The following ST8SIA5 variants were observed in gnomAD, a reference collection of about 807,000 sequenced individuals.
ST8SIA5 encodes the protein alpha-2,8-sialyltransferase 8E.
Under a neutral mutation model 40.2 loss-of-function variants are expected in ST8SIA5, and 24 were observed. The ratio of observed to expected loss-of-function variants is 0.60; its 90% CI spans 0.43 to 0.84. The LOEUF (loss-of-function observed/expected upper bound fraction) is 0.84. Ranked by LOEUF, ST8SIA5 falls within the 40% of genes least tolerant of loss-of-function variation. The pLI is 0.00. For synonymous variants in ST8SIA5, 198 were observed against 201.8 expected (o/e 0.98, Z 0.16); for missense variants, 465 against 498.5 (o/e 0.93, Z 0.64).
chr18:46,693,438 C>T (rs2039527113), intron 2 of ST8SIA5, among the ~76,000 whole-genome samples: 2 of 152,172 alleles, frequency 1.3e-5, no homozygotes, highest in Non-Finnish European at 2.9e-5. Flanking sequence ...CCCTGAAAAA[C>T]CCTCGGCCAG....
In ST8SIA5 at chr18:46,734,506, A is replaced by G. The variant is rs189790785; in HGVS notation, c.131+21872T>C. On this transcript the variant is annotated intron_variant, in intron 1 of 6. Transcript: ENST00000315087. ...TTTCCAGGCTCCACTCAAAGCCTAA[A>G]TCTTGTCCAGTGGTTCCCAAATTGA... Among the ~76,000 whole-genome samples the G allele has an allele frequency of 1.6e-4, 25 of 152,254 alleles. No homozygotes were observed. In the East Asian group the frequency reaches 4.4e-3, roughly 27 times the overall value.
intron 4 of ST8SIA5, among the ~76,000 whole-genome samples, chr18:46,688,338 T>C (rs2039468598): frequency 6.6e-6 from 1 of 152,206 alleles, no homozygotes; most frequent in Admixed American, 6.5e-5. Flanking sequence ...AGACAAAATA[T>C]CTGCCCACGG....
At chr18:46,701,442 G>C (rs993738191) in intron 2 of ST8SIA5, among the ~76,000 whole-genome samples, 1 of 152,020 alleles carries the variant, frequency 6.6e-6, no homozygotes, top group Admixed American at 6.6e-5. Context: ...CAGGGATAGG[G>C]CCTTTAAAGA....
At chr18:46,684,939 G>A (rs568796094) in intron 5 of ST8SIA5, among the ~76,000 whole-genome samples, 144 of 152,250 alleles carry the variant, frequency 9.5e-4, no homozygotes, top group African/African-American at 3.2e-3. Flanking sequence ...AGTTGGCAAC[G>A]CAGGATGTAG....
chr18:46,749,676 G>A (rs2040177341), intron 1 of ST8SIA5, among the ~76,000 whole-genome samples: 1 of 152,110 alleles, frequency 6.6e-6, no homozygotes, highest in Admixed American at 6.5e-5. Flanking sequence ...CTTTTTAAAA[G>A]ATAATTTGTA....
chr18:46,724,854 A>G (rs1332552338), intron 1 of ST8SIA5, among the ~76,000 whole-genome samples: 1 of 152,034 alleles, frequency 6.6e-6, no homozygotes, highest in African/African-American at 2.4e-5. Flanking sequence ...CGTGCCTGTA[A>G]TCACAGCTAC....
rs2039359991 is a variant in ST8SIA5, at chr18:46,679,157, A to T, written c.*885T>A. The T allele has an allele frequency of 6.6e-6, 1 of 152,276 alleles. No individual in the cohort carries two copies. Among genetic ancestry groups the T allele is most frequent in the African/African-American group, 2.4e-5 (1 of 41,458 alleles). The allele number at this position is 152,276 out of a possible 1,614,324, so 9.4% of individuals were successfully genotyped here. A position where few individuals can be genotyped will look rare whatever the true frequency, so the allele number is the denominator to read the frequency against. On this transcript the variant is annotated 3_prime_UTR_variant, in exon 7 of 7. Coordinates refer to ENST00000315087, the MANE Select transcript of ST8SIA5 (RefSeq NM_013305.6). The stretch of plus-strand genomic sequence containing the variant: ...GGTCTTTATAAATAACTCCTGGTTT[A>T]AATGGAGCTGAAAATAGGAAGACAA...
chr18:46,701,955 G>A (rs548191194), intron 2 of ST8SIA5, among the ~76,000 whole-genome samples: 2 of 152,236 alleles, frequency 1.3e-5, no homozygotes, highest in African/African-American at 4.8e-5. Context: ...AGACCAGCCT[G>A]ATCAAGATGA....
intron 1 of ST8SIA5, among the ~76,000 whole-genome samples, chr18:46,726,029 TCCTGG>T (rs1381472819): frequency 1.2e-3 from 116 of 96,420 alleles, no homozygotes; most frequent in African/African-American, 4.1e-3. Context: ...TATATATATA[TCCTGG>T]ATATATATAT....
intron 1 of ST8SIA5, among the ~76,000 whole-genome samples, chr18:46,733,594 G>A (rs2040005392): frequency 6.6e-6 from 1 of 151,270 alleles, no homozygotes; most frequent in Non-Finnish European, 1.5e-5. Context: ...GGTGTTGTGG[G>A]AGAAATAAAG....
intron 2 of ST8SIA5, among the ~76,000 whole-genome samples, chr18:46,694,860 T>C (rs552148552): frequency 6.6e-6 from 1 of 151,774 alleles, no homozygotes; most frequent in East Asian, 1.9e-4. Flanking sequence ...AAATACCCAC[T>C]TTAAAAACCC....
intron 1 of ST8SIA5, among the ~76,000 whole-genome samples, chr18:46,713,727 T>C (rs2039756643): frequency 6.6e-6 from 1 of 151,836 alleles, no homozygotes; most frequent in East Asian, 1.9e-4. Context: ...GTCTTGGAAA[T>C]GGGGGTCAAA....
chr18:46,756,464 G>A lies in ST8SIA5; in HGVS notation c.45C>T (p.Ser15=). 4 of 1,613,216 alleles carry A rather than the reference G, an allele frequency of 2.5e-6. No individual in the cohort carries two copies. The highest frequency in any genetic ancestry group is 3.4e-6 in the Non-Finnish European group (4 of 1,179,334). ...DPSANRDLLG[S]RTLLFIFICA... ...AGATGAAGATGAAGAGCAAAGTTCG[G>A]CTCCCCAACAAATCCCGGTTGGCCG... is the stretch of plus-strand genomic sequence containing the variant. Residue 15 remains serine, a synonymous_variant, in exon 1 of 7, where the codon AGC becomes AGT. Coordinates refer to ENST00000315087, the MANE Select transcript of ST8SIA5 (RefSeq NM_013305.6).
At chr18:46,747,714 T>C (rs1202029269) in intron 1 of ST8SIA5, among the ~76,000 whole-genome samples, 1 of 152,194 alleles carries the variant, frequency 6.6e-6, no homozygotes, top group African/African-American at 2.4e-5. Flanking sequence ...AGCCATCCCA[T>C]TACTGGGTAT....
chr18:46,686,329 C>T, intron 4 of ST8SIA5, 43 bp from the exon 5 acceptor site: 2 of 1,511,324 alleles, frequency 1.3e-6, no homozygotes. Flanking sequence ...AAGCCACCCC[C>T]TGCCTCGACC....
chr18:46,686,330 T>G, intron 4 of ST8SIA5, 44 bp from the exon 5 acceptor site: 1 of 1,507,548 alleles, frequency 6.6e-7, no homozygotes, highest in Non-Finnish European at 9.2e-7. Context: ...AGCCACCCCC[T>G]GCCTCGACCT....
rs1255744900 is a variant in ST8SIA5, at chr18:46,678,276, T to A, written c.*1766A>T. The A allele has an allele frequency of 6.6e-6, 1 of 152,280 alleles. No individual in the cohort carries two copies. Among genetic ancestry groups the A allele is most frequent in the African/African-American group, 2.4e-5 (1 of 41,450 alleles). The allele number at this position is 152,280 out of a possible 1,614,324, so 9.4% of individuals were successfully genotyped here. ...GTGAGAGTCAGCACTGAGAACAGTG[T>A]TGTGCACAGGGCACAGGTTCCACAA... is the stretch of plus-strand genomic sequence containing the variant. On this transcript the variant is annotated 3_prime_UTR_variant, in exon 7 of 7. Transcript: ENST00000315087.
At chr18:46,689,222 C>A (rs1326954035) in intron 3 of ST8SIA5, among the ~76,000 whole-genome samples, 1 of 152,176 alleles carries the variant, frequency 6.6e-6, no homozygotes, top group Non-Finnish European at 1.5e-5. Context: ...CTGCCTTCTG[C>A]CACTCATTCA....
At chr18:46,714,668 G>C (rs1039008591) in intron 1 of ST8SIA5, among the ~76,000 whole-genome samples, 1 of 152,144 alleles carries the variant, frequency 6.6e-6, no homozygotes, top group Non-Finnish European at 1.5e-5. Context: ...GAGAACCCCA[G>C]GAGTGACTGA....
Sources: allele counts gnomAD v4.1 joint callset (sites outside exome capture counted in the v4.1 genomes callset), GRCh38; gene constraint gnomAD v4.1.1; transcripts MANE v1.5; gene names NCBI Gene and HGNC (gene_info 2026-07-23, HGNC 2026-07-21).